The following BLK variants were observed in gnomAD, a reference collection of about 807,000 sequenced individuals.
BLK encodes the protein tyrosine-protein kinase Blk.
BLK carries 64 observed loss-of-function variants against 61.8 expected under a neutral mutation model. The observed-to-expected ratio is 1.03, with a 90% CI of 0.85 to 1.27. The LOEUF is 1.27. Ranked by LOEUF, BLK falls within the 50% of genes most tolerant of loss-of-function variation. The pLI is 0.00. For missense variants in BLK, 853 were observed against 660.5 expected, an observed-to-expected ratio of 1.29 and a Z score of -3.19; for synonymous variants, 351 against 272.0, an observed-to-expected ratio of 1.29 and a Z score of -2.86.
At chr8:11,503,204 G>A (rs1250754375) in intron 1 of BLK, among the ~76,000 whole-genome samples, 1 of 152,214 alleles carries the variant, frequency 6.6e-6, no homozygotes, top group African/African-American at 2.4e-5. Flanking sequence ...ACAACCACAC[G>A]TAGCATCTAA....
chr8:11,555,496 C>A lies in BLK; in HGVS notation c.772+12C>A. 1 of 1,614,052 alleles carries A rather than the reference C, an allele frequency of 6.2e-7. No homozygotes were observed. The highest frequency in any genetic ancestry group is 8.5e-7 in the Non-Finnish European group (1 of 1,180,014). ...CGAAGTCTGGATGGGTGAGTGTGTGCACACGTGGGAGCATTTCTCCCCCCA... is the reference window on the plus strand; with the variant it reads ...CGAAGTCTGGATGGGTGAGTGTGTGAACACGTGGGAGCATTTCTCCCCCCA... On this transcript the variant is annotated intron_variant, in intron 8 of 12. Coordinates refer to ENST00000259089, the MANE Select transcript of BLK (RefSeq NM_001715.3).
intron 1 of BLK, among the ~76,000 whole-genome samples, chr8:11,496,735 T>C (rs1209396405): frequency 6.6e-6 from 1 of 152,174 alleles, no homozygotes; most frequent in Non-Finnish European, 1.5e-5. Flanking sequence ...CCCAGGCCCC[T>C]GGGGGAGTAC....
At chr8:11,517,248 G>A (rs1231757337) in intron 1 of BLK, among the ~76,000 whole-genome samples, 1 of 152,222 alleles carries the variant, frequency 6.6e-6, no homozygotes, top group Non-Finnish European at 1.5e-5. Context: ...CTGTGGACGG[G>A]AGAGCCAACA....
At chr8:11,562,838 C>G (rs191571437) in intron 11 of BLK, 141 bp from the exon 12 acceptor site, 119 of 1,128,964 alleles carry the variant, frequency 1.1e-4, no homozygotes, top group Middle Eastern at 2.9e-4. Context: ...GTGGCTCCCC[C>G]GCCATGCCTG....
At chr8:11,497,578 A>T in intron 1 of BLK, among the ~76,000 whole-genome samples, 1 of 152,170 alleles carries the variant, frequency 6.6e-6, no homozygotes, top group East Asian at 1.9e-4. Context: ...AGGTCCCAGC[A>T]CCCAGCGCAG....
chr8:11,504,158 C>T (rs1030937654), intron 1 of BLK, among the ~76,000 whole-genome samples: 2 of 152,046 alleles, frequency 1.3e-5, no homozygotes, highest in Middle Eastern at 3.2e-3. Flanking sequence ...ACTGTCTCTA[C>T]TCAAAATGCA....
chr8:11,543,060 C>T (rs1283917752), intron 1 of BLK, among the ~76,000 whole-genome samples, 164 bp from the exon 2 acceptor site: 1 of 152,182 alleles, frequency 6.6e-6, no homozygotes, highest in Admixed American at 6.5e-5. Context: ...CCATTTAGCT[C>T]ACCCACCCGC....
chr8:11,560,355 A>G, intron 10 of BLK: 1 of 217,010 alleles, frequency 4.6e-6, no homozygotes, highest in Admixed American at 5.3e-5. Flanking sequence ...GGATGCATGG[A>G]TGTGTTGATG....
Position 11,564,433 on chromosome 8 carries a change from G to GCACCCCCCGTGCTGGC in BLK, c.*327_*342dup. On this transcript the variant is annotated 3_prime_UTR_variant, in exon 13 of 13. Transcript: ENST00000259089. The stretch of plus-strand genomic sequence containing the variant: ...TCATCAAGTAAGGCCCCCGTGCTGG[G>GCACCCCCCGTGCTGGC]CACCCCCCGTGCTGGCCGCGTCCCC... The GCACCCCCCGTGCTGGC allele has an allele frequency of 1.7e-6, 1 of 582,878 alleles. No homozygotes were observed. Among genetic ancestry groups the GCACCCCCCGTGCTGGC allele is most frequent in the South Asian group, 1.5e-5 (1 of 65,716 alleles). 36.1% of individuals were successfully genotyped at this position (582,878 alleles called of 1,614,324 possible). A position where few individuals can be genotyped will look rare whatever the true frequency, so the allele number is the denominator to read the frequency against.
Position 11,555,476 on chromosome 8 carries a change from T to G in BLK, c.764T>G (p.Val255Gly), listed in dbSNP as rs749057360. 3.7e-6 allele frequency: 6 copies of G among 1,613,982 alleles called. No individual in the cohort carries two copies. In the African/African-American group the frequency reaches 8.0e-5, roughly 22 times the overall value. ...CTCGGGTCTGGACAATTCGGCGAAG[T>G]CTGGATGGGTGAGTGTGTGCACACG... is the stretch of plus-strand genomic sequence containing the variant. Reference protein sequence around the residue: ...RKLGSGQFGEVWMGYYKNNMK... With the variant: ...RKLGSGQFGEGWMGYYKNNMK... The change falls in exon 8 of 13, where the codon GTC becomes GGC. Residue 255 changes from valine to glycine, a missense_variant. Transcript: ENST00000259089.
At chr8:11,529,161 C>T (rs1174606225) in intron 1 of BLK, among the ~76,000 whole-genome samples, 1 of 152,106 alleles carries the variant, frequency 6.6e-6, no homozygotes, top group African/African-American at 2.4e-5. Context: ...GTGTAAATCG[C>T]CCAGTGGGTT....
Position 11,564,365 on chromosome 8 carries a change from A to G in BLK, c.*257A>G. ...ACAGTGACCTCGCACGGTCATCCGGAGTACTAAGCCCCAGTAAGGTGTTCA... is the reference window on the plus strand; with the variant it reads ...ACAGTGACCTCGCACGGTCATCCGGGGTACTAAGCCCCAGTAAGGTGTTCA... On this transcript the variant is annotated 3_prime_UTR_variant, in exon 13 of 13. Coordinates refer to ENST00000259089, the MANE Select transcript of BLK (RefSeq NM_001715.3). The G allele has an allele frequency of 1.5e-6, 1 of 687,402 alleles. No individual in the cohort carries two copies. The highest frequency in any genetic ancestry group is 2.7e-6 in the Non-Finnish European group (1 of 375,780). The allele number at this position is 687,402 out of a possible 1,614,324, so 42.6% of individuals were successfully genotyped here. A position where few individuals can be genotyped will look rare whatever the true frequency, so the allele number is the denominator to read the frequency against.
At position 11,563,008 on chromosome 8, in the gene BLK, C is replaced by G. The variant is rs1471316560; in HGVS notation, c.1210C>G (p.Pro404Ala). Residue 404 changes from proline to alanine, a missense_variant, in exon 12 of 13, where the codon CCG becomes GCG. Transcript: ENST00000259089. ...CAAGTTCCCCATCAAGTGGACAGCC[C>G]CGGAAGCCATCCACTTCGGGGTCTT... The part of the protein sequence containing the change: ...GAKFPIKWTA[P>A]EAIHFGVFTI... 5.0e-6 allele frequency: 8 copies of G among 1,614,150 alleles called. No homozygotes were observed. The highest frequency in any genetic ancestry group is 6.8e-6 in the Non-Finnish European group (8 of 1,180,030).
intron 11 of BLK, among the ~76,000 whole-genome samples, chr8:11,562,482 C>T (rs1385095824): frequency 6.6e-6 from 1 of 152,176 alleles, no homozygotes; most frequent in Non-Finnish European, 1.5e-5. Context: ...GCCGGGGCTG[C>T]AGCCATTGAG....
At position 11,516,242 on chromosome 8, in the gene BLK, C is replaced by G. The variant is rs772225451; in HGVS notation, c.-2+21651C>G. On this transcript the variant is annotated intron_variant, in intron 1 of 12. Coordinates refer to ENST00000259089, the MANE Select transcript of BLK (RefSeq NM_001715.3). ...GAGAACAGAAAGTAGAACGGGGGTG[C>G]GAGAGCCTGACGTCTTTCTCACTGA... 2.0e-5 allele frequency among the ~76,000 whole-genome samples: 3 copies of G among 152,188 alleles called. No homozygotes were observed. In the East Asian group the frequency reaches 5.8e-4, roughly 29 times the overall value.
chr8:11,525,097 C>T (rs558587365), intron 1 of BLK, among the ~76,000 whole-genome samples: 3 of 152,248 alleles, frequency 2.0e-5, no homozygotes, highest in African/African-American at 7.2e-5. Flanking sequence ...AAGGCTCAGC[C>T]CTCCCTGCAT....
chr8:11,560,925 G>C (rs1401124699), intron 10 of BLK: 1 of 476,334 alleles, frequency 2.1e-6, no homozygotes, highest in Non-Finnish European at 4.2e-6. Context: ...AGAGCTGCCT[G>C]TCCTTGCCTC....
At position 11,516,807 on chromosome 8, in the gene BLK, C is replaced by A. The variant is rs141536769; in HGVS notation, c.-2+22216C>A. Among the ~76,000 whole-genome samples the A allele has an allele frequency of 3.4e-3, 517 of 152,360 alleles. 5 individuals are homozygous for A. Among genetic ancestry groups the A allele is most frequent in the African/African-American group, 0.012 (496 of 41,566 alleles). The stretch of plus-strand genomic sequence containing the variant: ...GATTCCATTGTACATATAGCCCACA[C>A]TGGGCTTATCCATCCATCTGTCCAT... On this transcript the variant is annotated intron_variant, in intron 1 of 12. Coordinates refer to ENST00000259089, the MANE Select transcript of BLK (RefSeq NM_001715.3).
chr8:11,556,882 G>A (rs756255088), intron 9 of BLK, 45 bp downstream of exon 9: 2 of 1,600,620 alleles, frequency 1.2e-6, no homozygotes, highest in East Asian at 2.3e-5. Flanking sequence ...AGGCGGGAGG[G>A]CCGGGCTTAG....
Sources: allele counts gnomAD v4.1 joint callset (sites outside exome capture counted in the v4.1 genomes callset), GRCh38; gene constraint gnomAD v4.1.1; transcripts MANE v1.5; gene names NCBI Gene and HGNC (gene_info 2026-07-23, HGNC 2026-07-21).